The following SOCS7 variants were observed in gnomAD, a reference collection of about 807,000 sequenced individuals.
The protein encoded by SOCS7 is suppressor of cytokine signaling 7, also known as NAP-4.
A neutral mutation model predicts 58.9 loss-of-function variants in SOCS7; 18 were observed. That is an observed-to-expected ratio of 0.31 (90% CI 0.21 to 0.45). The LOEUF is 0.45. Ranked by LOEUF, SOCS7 falls within the 20% of genes least tolerant of loss-of-function variation. The pLI, the probability that SOCS7 is intolerant of heterozygous loss-of-function variation, is 1.00. For synonymous variants in SOCS7, 388 were observed against 364.3 expected, an observed-to-expected ratio of 1.06 and a Z score of -0.74; for missense variants, 667 against 837.3, an observed-to-expected ratio of 0.80 and a Z score of 2.51.
chr17:38,356,699 A>G (rs144796485), intron 1 of SOCS7, among the ~76,000 whole-genome samples: 95 of 152,212 alleles, frequency 6.2e-4, no homozygotes, highest in African/African-American at 2.3e-3. Flanking sequence ...AAAGAAAGAA[A>G]GAAAGAAATG....
chr17:38,385,890 C>T (rs2038062184), intron 7 of SOCS7, among the ~76,000 whole-genome samples: 2 of 152,102 alleles, frequency 1.3e-5, no homozygotes, highest in African/African-American at 2.4e-5. Context: ...CAAACTCAGG[C>T]TTGACTGAAC....
chr17:38,357,319 G>A (rs1158202854), intron 1 of SOCS7, among the ~76,000 whole-genome samples: 1 of 152,164 alleles, frequency 6.6e-6, no homozygotes, highest in Non-Finnish European at 1.5e-5. Flanking sequence ...TTATGTTTGG[G>A]TTTTGGGTCC....
At chr17:38,366,221 G>A (rs2037787342) in intron 4 of SOCS7, 66 bp from the exon 5 acceptor site, 1 of 1,577,274 alleles carries the variant, frequency 6.3e-7, no homozygotes, top group Non-Finnish European at 8.6e-7. Flanking sequence ...TGTTTTTGGG[G>A]GAGGGTCTAT....
intron 1 of SOCS7, among the ~76,000 whole-genome samples, chr17:38,355,842 A>G (rs2144309812): frequency 6.6e-6 from 1 of 152,140 alleles, no homozygotes; most frequent in East Asian, 1.9e-4. Context: ...ACCTGGATAT[A>G]TTGTCTTCAG....
At chr17:38,385,379 C>T (rs1269332756) in intron 7 of SOCS7, among the ~76,000 whole-genome samples, 1 of 151,456 alleles carries the variant, frequency 6.6e-6, no homozygotes, top group African/African-American at 2.4e-5. Flanking sequence ...AAGGCTTACC[C>T]AATTTGGATT....
intron 5 of SOCS7, among the ~76,000 whole-genome samples, chr17:38,367,256 G>T (rs1358099907): frequency 2.6e-5 from 4 of 151,884 alleles, no homozygotes; most frequent in Non-Finnish European, 5.9e-5. Flanking sequence ...GTAGAAATGG[G>T]GTTTCACCAT....
chr17:38,370,874 C>T (rs2037854351), intron 6 of SOCS7, among the ~76,000 whole-genome samples: 1 of 152,050 alleles, frequency 6.6e-6, no homozygotes, highest in South Asian at 2.1e-4. Flanking sequence ...TTGTCTCGAA[C>T]TCCTGACCTT....
Position 38,382,359 on chromosome 17 carries a change from G to T in SOCS7, c.1681+4517G>T, listed in dbSNP as rs890164336. Among the ~76,000 whole-genome samples, 5 of 150,496 alleles carry T rather than the reference G, an allele frequency of 3.3e-5. No individual in the cohort carries two copies. The East Asian group carries it at 9.8e-4, about 29-fold the overall frequency. ...AGGCTGAGGTAGGAGGATCTCTTAG[G>T]CCGGGTAGGTCAAGGCTGCAGTGAG... On this transcript the variant is annotated intron_variant, in intron 7 of 9. Transcript: ENST00000612932.
In SOCS7 at chr17:38,366,333, C is replaced by A; in HGVS notation, c.1299C>A (p.His433Gln). ...CCATCCGAGCAGCTGAATCCCTGCA[C>A]AGCCAACCCCCACAGCACCTCCAGT... ...IAPIRAAESL[H>Q]SQPPQHLQCP... Residue 433 changes from histidine (H) to glutamine (Q), a missense_variant, in exon 5 of 10, where the codon CAC becomes CAA. By Grantham distance (24) the His-to-Gln change is conservative. This residue lies in a region of SOCS7 where 99 missense variants were observed against 122.9 expected (regional missense o/e 0.81). Coordinates refer to ENST00000612932, the MANE Select transcript of SOCS7 (RefSeq NM_014598.4). 1 of 1,614,206 alleles carries A rather than the reference C, an allele frequency of 6.2e-7. No homozygotes were observed. The highest frequency in any genetic ancestry group is 8.5e-7 in the Non-Finnish European group (1 of 1,180,046).
intron 7 of SOCS7, among the ~76,000 whole-genome samples, chr17:38,391,147 A>G (rs533525302): frequency 6.6e-6 from 1 of 152,226 alleles, no homozygotes; most frequent in East Asian, 1.9e-4. Flanking sequence ...CTTTTTGCAC[A>G]TTCATGTTAT....
intron 9 of SOCS7, among the ~76,000 whole-genome samples, chr17:38,399,087 C>CAAAAA (rs1212485683): frequency 3.4e-5 from 2 of 59,614 alleles, no homozygotes; most frequent in South Asian, 6.0e-4. Context: ...GACTCCGTCT[C>CAAAAA]AAAAAAAAAA....
chr17:38,397,719 A>G (rs2038263005), intron 9 of SOCS7, among the ~76,000 whole-genome samples: 1 of 152,092 alleles, frequency 6.6e-6, no homozygotes, highest in South Asian at 2.1e-4. Context: ...AGCAAAGCAA[A>G]GGCCCTGTTT....
At chr17:38,366,595 A>G (rs1396134731) in intron 5 of SOCS7, among the ~76,000 whole-genome samples, 178 bp downstream of exon 5, 1 of 152,218 alleles carries the variant, frequency 6.6e-6, no homozygotes, top group Non-Finnish European at 1.5e-5. Context: ...CCTGGGCCAA[A>G]GGATCCTTCT....
At chr17:38,377,551 A>C (rs879424460) in intron 6 of SOCS7, among the ~76,000 whole-genome samples, 163 bp from the exon 7 acceptor site, 4 of 152,250 alleles carry the variant, frequency 2.6e-5, no homozygotes, top group Admixed American at 6.5e-5. Context: ...TTTTACAGTT[A>C]ACTGTGAGAT....
At chr17:38,392,951 G>A (rs2038190755) in intron 7 of SOCS7, among the ~76,000 whole-genome samples, 1 of 152,186 alleles carries the variant, frequency 6.6e-6, no homozygotes, top group Non-Finnish European at 1.5e-5. Context: ...TATGTGAAAT[G>A]GGGATGGTGG....
chr17:38,359,730 G>A (rs587760003), intron 1 of SOCS7, among the ~76,000 whole-genome samples: 1 of 149,646 alleles, frequency 6.7e-6, no homozygotes, highest in East Asian at 1.9e-4. Flanking sequence ...CTTTAAGTCT[G>A]TTTTACTGTT....
In SOCS7 at chr17:38,395,343, A is replaced by G; in HGVS notation, c.1716A>G (p.Pro572=). 6.2e-7 allele frequency: 1 copy of G among 1,614,118 alleles called. No homozygotes were observed. Among genetic ancestry groups the G allele is most frequent in the Non-Finnish European group, 8.5e-7 (1 of 1,180,014 alleles). Residue 572 remains proline (P), a synonymous_variant, in exon 8 of 10, where the codon CCA becomes CCG. Coordinates refer to ENST00000612932, the MANE Select transcript of SOCS7 (RefSeq NM_014598.4). Reference sequence around the variant, plus strand: ...CAACTCCTGTCCAGCTGCTCTATCCAGTGTCCCGATTCAGCAATGTCAAAT... The same window carrying G: ...CAACTCCTGTCCAGCTGCTCTATCCGGTGTCCCGATTCAGCAATGTCAAAT... ...LPPTPVQLLY[P]VSRFSNVKSL... is the part of the protein sequence containing the mutation.
At chr17:38,397,193 G>A (rs950217672) in intron 9 of SOCS7, among the ~76,000 whole-genome samples, 13 of 152,214 alleles carry the variant, frequency 8.5e-5, no homozygotes, top group African/African-American at 2.7e-4. Flanking sequence ...GAGGTTTTAG[G>A]GAGGGATAGC....
intron 7 of SOCS7, among the ~76,000 whole-genome samples, chr17:38,384,140 C>T (rs1206912170): frequency 6.6e-6 from 1 of 152,152 alleles, no homozygotes; most frequent in Non-Finnish European, 1.5e-5. Flanking sequence ...TGGCTTATTA[C>T]CTGCTTTATG....
Sources: allele counts gnomAD v4.1 joint callset (sites outside exome capture counted in the v4.1 genomes callset), GRCh38; gene constraint gnomAD v4.1.1; regional missense constraint gnomAD v4.1.1; transcripts MANE v1.5; gene names NCBI Gene and HGNC (gene_info 2026-07-23, HGNC 2026-07-21).